UGT8: variants seen among roughly 807,000 people sequenced by gnomAD.
UGT8 encodes 2-hydroxyacylsphingosine 1-beta-galactosyltransferase.
Under a neutral mutation model 40.5 loss-of-function variants are expected in UGT8, and 12 were observed. The observed-to-expected ratio is 0.30, with a 90% CI of 0.19 to 0.48. The LOEUF (loss-of-function observed/expected upper bound fraction) is 0.48, where lower values mean the gene tolerates loss of function less well. Among genes scored for constraint, UGT8 ranks in the 20% least tolerant of loss-of-function variants. The probability of loss-of-function intolerance (pLI) is 0.99; values close to 1 mark genes in which losing one functional copy is unlikely to be tolerated. For missense variants in UGT8, 513 were observed against 648.7 expected (o/e 0.79, Z 2.27); for synonymous variants, 224 against 240.4 (o/e 0.93, Z 0.63).
chr4:114,635,513 A>G (rs1732835794), intron 2 of UGT8, among the ~76,000 whole-genome samples: 1 of 152,218 alleles, frequency 6.6e-6, no homozygotes, highest in Admixed American at 6.5e-5. Context: ...AGCCATATAC[A>G]TAATTTTCTT....
intron 2 of UGT8, 87 bp from the exon 3 acceptor site, chr4:114,663,908 A>C: frequency 6.5e-7 from 1 of 1,538,732 alleles, no homozygotes; most frequent in South Asian, 1.3e-5. Flanking sequence ...ATTACTTAAA[A>C]GGTTTTTTTT....
chr4:114,611,356 AT>A (rs1161729176), intron 1 of UGT8, among the ~76,000 whole-genome samples: 1 of 147,998 alleles, frequency 6.8e-6, no homozygotes, highest in Non-Finnish European at 1.5e-5. Context: ...AATTTCAGAA[AT>A]AGAAACCCAC....
chr4:114,655,324 G>C (rs1284055068), intron 2 of UGT8, among the ~76,000 whole-genome samples: 2 of 151,952 alleles, frequency 1.3e-5, no homozygotes, highest in African/African-American at 4.8e-5. Flanking sequence ...GACCATGGAT[G>C]CATCTGTGAG....
At chr4:114,657,136 A>G (rs1734240327) in intron 2 of UGT8, among the ~76,000 whole-genome samples, 1 of 150,004 alleles carries the variant, frequency 6.7e-6, no homozygotes. Context: ...CTTTTTTTCT[A>G]TCTCGTGGTT....
intron 2 of UGT8, among the ~76,000 whole-genome samples, chr4:114,636,337 G>T (rs1346165390): frequency 6.6e-6 from 1 of 152,126 alleles, no homozygotes; most frequent in African/African-American, 2.4e-5. Flanking sequence ...AGGCACTACT[G>T]GTTACTACCA....
At chr4:114,656,724 G>T in intron 2 of UGT8, 1 of 491,414 alleles carries the variant, frequency 2.0e-6, no homozygotes, top group East Asian at 5.8e-5. Context: ...TGTGACCTGA[G>T]GGGGAAGTTT....
intron 2 of UGT8, among the ~76,000 whole-genome samples, chr4:114,640,701 G>A (rs1733168743): frequency 1.3e-5 from 2 of 152,092 alleles, no homozygotes; most frequent in South Asian, 2.1e-4. Context: ...GCAAAGAAGG[G>A]CAAGTCACAT....
At chr4:114,642,495 A>G (rs1733289002) in intron 2 of UGT8, among the ~76,000 whole-genome samples, 1 of 152,056 alleles carries the variant, frequency 6.6e-6, no homozygotes, top group Admixed American at 6.6e-5. Context: ...GCTAAACCTG[A>G]TATTTTTTAC....
At chr4:114,619,767 C>T (rs1731665178) in intron 1 of UGT8, among the ~76,000 whole-genome samples, 1 of 151,824 alleles carries the variant, frequency 6.6e-6, no homozygotes, top group Admixed American at 6.6e-5. Flanking sequence ...TAATCCTCTC[C>T]TGCACTAAAT....
chr4:114,634,577 A>G (rs982724290), intron 2 of UGT8, among the ~76,000 whole-genome samples: 1 of 152,180 alleles, frequency 6.6e-6, no homozygotes, highest in Non-Finnish European at 1.5e-5. Context: ...TTAGTTGGGT[A>G]TGTATACCTG....
intron 2 of UGT8, among the ~76,000 whole-genome samples, chr4:114,653,981 T>C (rs1474684162): frequency 6.6e-6 from 1 of 152,112 alleles, no homozygotes; most frequent in Non-Finnish European, 1.5e-5. Context: ...TGAATATGCA[T>C]GCAGGTTAAA....
intron 2 of UGT8, among the ~76,000 whole-genome samples, chr4:114,657,281 G>C (rs1734248008): frequency 6.6e-6 from 1 of 151,876 alleles, no homozygotes; most frequent in Non-Finnish European, 1.5e-5. Flanking sequence ...TTCAAATTTT[G>C]CTTACTTATT....
chr4:114,616,314 C>G (rs963760996), intron 1 of UGT8, among the ~76,000 whole-genome samples: 14 of 152,200 alleles, frequency 9.2e-5, no homozygotes, highest in Non-Finnish European at 1.9e-4. Flanking sequence ...CGCCCCTCCC[C>G]TAGCCTCATG....
At chr4:114,669,612 G>A (rs896565437) in intron 5 of UGT8, among the ~76,000 whole-genome samples, 7 of 152,104 alleles carry the variant, frequency 4.6e-5, no homozygotes, top group East Asian at 1.9e-4. Context: ...TGTGTTTTGC[G>A]AGGCATGAAC....
intron 1 of UGT8, among the ~76,000 whole-genome samples, chr4:114,618,214 G>C (rs1290582139): frequency 6.6e-6 from 1 of 152,102 alleles, no homozygotes; most frequent in African/African-American, 2.4e-5. Context: ...AGTGGTTTCT[G>C]GCTGTTTGCT....
chr4:114,644,212 G>A (rs776784539), intron 2 of UGT8, among the ~76,000 whole-genome samples: 3 of 152,120 alleles, frequency 2.0e-5, no homozygotes, highest in Non-Finnish European at 4.4e-5. Context: ...CCTTGAAGAT[G>A]GTTAGGAAGT....
At chr4:114,670,894 A>G (rs1313309499) in intron 5 of UGT8, among the ~76,000 whole-genome samples, 1 of 152,192 alleles carries the variant, frequency 6.6e-6, no homozygotes, top group African/African-American at 2.4e-5. Flanking sequence ...TGCAGATGAC[A>G]TGGTTTTATA....
intron 2 of UGT8, among the ~76,000 whole-genome samples, chr4:114,650,333 C>T (rs531934049): frequency 1.8e-4 from 27 of 152,178 alleles, no homozygotes; most frequent in Non-Finnish European, 3.7e-4. Flanking sequence ...CCATTTATGC[C>T]GGAGGTTGCA....
chr4:114,621,379 A>C (rs1731781010), intron 1 of UGT8, among the ~76,000 whole-genome samples: 1 of 152,230 alleles, frequency 6.6e-6, no homozygotes, highest in Non-Finnish European at 1.5e-5. Flanking sequence ...GACATAGATT[A>C]CATAAATATA....
Sources: gnomAD v4.1 joint callset for allele counts (sites outside exome capture counted in the v4.1 genomes callset) on GRCh38, gnomAD v4.1.1 for gene constraint, MANE v1.5 for transcripts, NCBI Gene and HGNC (gene_info 2026-07-23, HGNC 2026-07-21) for gene names.